Variants in KIAA0232 observed in about 807,000 individuals in gnomAD.
KIAA0232 encodes KIAA0232, also known as uncharacterized protein KIAA0232.
KIAA0232 carries 27 observed loss-of-function variants against 122.0 expected under a neutral mutation model. That is an observed-to-expected ratio of 0.22 (90% CI 0.16 to 0.31). The LOEUF is 0.31. KIAA0232 is among the 10% of genes least tolerant of loss of function. The probability of loss-of-function intolerance (pLI) is 1.00; values close to 1 mark genes in which losing one functional copy is unlikely to be tolerated. For synonymous variants in KIAA0232, 613 were observed against 587.6 expected (o/e 1.04, Z -0.63); for missense variants, 1,551 against 1,634.2 (o/e 0.95, Z 0.88).
intron 1 of KIAA0232, among the ~76,000 whole-genome samples, chr4:6,793,697 C>T (rs1361047762): frequency 1.3e-5 from 2 of 152,158 alleles, no homozygotes; most frequent in Non-Finnish European, 2.9e-5. Context: ...GAAGTAGCTA[C>T]AGAAAATGGA....
At chr4:6,872,800 C>T (rs776771702) in intron 8 of KIAA0232, among the ~76,000 whole-genome samples, 3 of 152,250 alleles carry the variant, frequency 2.0e-5, no homozygotes, top group Non-Finnish European at 2.9e-5. Context: ...ATGCCCTGCA[C>T]ACGCCTGTGT....
At chr4:6,873,241 A>G (rs1448242027) in intron 8 of KIAA0232, among the ~76,000 whole-genome samples, 6 of 152,230 alleles carry the variant, frequency 3.9e-5, no homozygotes, top group Non-Finnish European at 7.3e-5. Context: ...CACACAGTTA[A>G]CTATTAAGCA....
rs921800836 is a variant in KIAA0232, at chr4:6,796,709, C to T, written c.-353-7814C>T. On this transcript the variant is annotated intron_variant, in intron 1 of 9. Transcript: ENST00000307659. ...TATGGCCCTTAAAAGTTTGGTCACACGGTTTTCTTTCAGCTTGTAATCTTC... is the reference window on the plus strand; with the variant it reads ...TATGGCCCTTAAAAGTTTGGTCACATGGTTTTCTTTCAGCTTGTAATCTTC... Among the ~76,000 whole-genome samples the T allele has an allele frequency of 6.6e-5, 10 of 152,324 alleles. No individual in the cohort carries two copies. In the South Asian group the frequency reaches 8.3e-4, roughly 13 times the overall value.
In KIAA0232 at chr4:6,813,584, G is replaced by C. The variant is rs13103065; in HGVS notation, c.-270+8978G>C. On this transcript the variant is annotated intron_variant, in intron 2 of 9. Transcript: ENST00000307659. ...TCACCGTGTTAGCCAGGATGGTCTC[G>C]ATCTCCTGACCTTGTGATCCGCCCG... 1.3e-3 allele frequency among the ~76,000 whole-genome samples: 190 copies of C among 151,628 alleles called. 1 individual carries two copies. Among genetic ancestry groups the C allele is most frequent in the African/African-American group, 3.8e-3 (155 of 41,328 alleles).
intron 9 of KIAA0232, among the ~76,000 whole-genome samples, chr4:6,878,345 A>C (rs1012409550): frequency 6.6e-6 from 1 of 152,138 alleles, no homozygotes; most frequent in Non-Finnish European, 1.5e-5. Context: ...ACTGCACTCC[A>C]GCCTGGGTGA....
At chr4:6,860,037 G>C (rs146254941) in intron 6 of KIAA0232, among the ~76,000 whole-genome samples, 1 of 152,058 alleles carries the variant, frequency 6.6e-6, no homozygotes, top group Non-Finnish European at 1.5e-5. Context: ...CTAAACTTGT[G>C]GAATAAATCT....
Position 6,824,369 on chromosome 4 carries a change from T to A in KIAA0232, c.-85T>A. ...CATGTCAAGCATCTCTACTTTTTACTGGAGTGAAAATCCCCTCCAGATACC... is the reference window on the plus strand; with the variant it reads ...CATGTCAAGCATCTCTACTTTTTACAGGAGTGAAAATCCCCTCCAGATACC... On this transcript the variant is annotated 5_prime_UTR_variant, in exon 3 of 10. Transcript: ENST00000307659. The A allele has an allele frequency of 9.1e-7, 1 of 1,103,264 alleles. No homozygotes were observed. The highest frequency in any genetic ancestry group is 2.4e-5 in the East Asian group (1 of 42,342). 68.3% of individuals were successfully genotyped at this position (1,103,264 alleles called of 1,614,324 possible). A position where few individuals can be genotyped will look rare whatever the true frequency, so the allele number is the denominator to read the frequency against.
At chr4:6,787,177 C>CAAAAAAAAAA (rs34617834) in intron 1 of KIAA0232, among the ~76,000 whole-genome samples, 1 of 81,442 alleles carries the variant, frequency 1.2e-5, no homozygotes, top group African/African-American at 5.0e-5. Flanking sequence ...AAGGCTCTCT[C>CAAAAAAAAAA]AAAAAAAAAA....
At chr4:6,845,940 A>G (rs1353729671) in intron 4 of KIAA0232, among the ~76,000 whole-genome samples, 2 of 152,202 alleles carry the variant, frequency 1.3e-5, no homozygotes, top group African/African-American at 4.8e-5. Context: ...AGGTAGAAAC[A>G]GTGCAAGGGA....
chr4:6,863,316 A>G lies in KIAA0232; in HGVS notation c.2934A>G (p.Pro978=), dbSNP rs747071501. The change falls in exon 7 of 10, where the codon CCA becomes CCG. Residue 978 remains proline, a synonymous_variant. Coordinates refer to ENST00000307659, the MANE Select transcript of KIAA0232 (RefSeq NM_014743.3). ...CTGGTACAGATGTCTTTATGACCCCAGGAAACAGTTTTGCTCCTGGGCACA... is the reference window on the plus strand; with the variant it reads ...CTGGTACAGATGTCTTTATGACCCCGGGAAACAGTTTTGCTCCTGGGCACA... ...TIAGTDVFMT[P]GNSFAPGHRQ... 9.3e-6 allele frequency: 15 copies of G among 1,614,048 alleles called. No homozygotes were observed. Among genetic ancestry groups the G allele is most frequent in the African/African-American group, 2.7e-5 (2 of 74,922 alleles).
rs1012935525 is a variant in KIAA0232, at chr4:6,862,974, T to C, written c.2592T>C (p.Ala864=). Residue 864 remains alanine (A), a synonymous_variant, in exon 7 of 10, where the codon GCT becomes GCC. Transcript: ENST00000307659. ...DVNNYCCCLD[A]EAELETLQEP... ...ATAACTACTGCTGCTGTCTAGATGC[T>C]GAAGCTGAACTGGAGACCCTTCAGG... 2.5e-6 allele frequency: 4 copies of C among 1,614,096 alleles called. No homozygotes were observed. The African/African-American group carries it at 5.3e-5, about 22-fold the overall frequency.
intron 2 of KIAA0232, among the ~76,000 whole-genome samples, chr4:6,815,361 A>G (rs1360895698): frequency 6.6e-6 from 1 of 152,218 alleles, no homozygotes; most frequent in East Asian, 1.9e-4. Flanking sequence ...CAACATACCT[A>G]GGAGTCTCCT....
At chr4:6,850,385 G>T (rs549413608) in intron 4 of KIAA0232, among the ~76,000 whole-genome samples, 9 of 152,024 alleles carry the variant, frequency 5.9e-5, no homozygotes, top group Admixed American at 2.0e-4. Context: ...GCTTATTTTC[G>T]TATGTTTACT....
At chr4:6,802,676 TC>T (rs1301183234) in intron 1 of KIAA0232, among the ~76,000 whole-genome samples, 2 of 151,954 alleles carry the variant, frequency 1.3e-5, no homozygotes, top group African/African-American at 4.8e-5. Context: ...CTTCACGTCT[TC>T]CCCAAGGACA....
At chr4:6,851,994 T>C (rs1343010028) in intron 4 of KIAA0232, among the ~76,000 whole-genome samples, 1 of 152,186 alleles carries the variant, frequency 6.6e-6, no homozygotes, top group East Asian at 1.9e-4. Context: ...ATTATTTAAT[T>C]ATTATAACAG....
At chr4:6,783,584 T>TGGGGCCCCGGGAAGGG (rs922342038) in intron 1 of KIAA0232, among the ~76,000 whole-genome samples, 1 of 151,274 alleles carries the variant, frequency 6.6e-6, no homozygotes, top group African/African-American at 2.4e-5. Flanking sequence ...ATTGTCCTTT[T>TGGGGCCCCGGGAAGGG]GGGGCCCCGG....
In KIAA0232 at chr4:6,876,659, G is replaced by A; in HGVS notation, c.3911-1G>A. The A allele has an allele frequency of 6.3e-7, 1 of 1,595,568 alleles. No individual in the cohort carries two copies. The highest frequency in any genetic ancestry group is 8.6e-7 in the Non-Finnish European group (1 of 1,163,262). ...TCCCTTCTCCATTCCAAATGATTAA[G>A]AATGTTACACAAATGCCAAGGGAGA... On this transcript the variant is annotated splice_acceptor_variant, in intron 8 of 9. Coordinates refer to ENST00000307659, the MANE Select transcript of KIAA0232 (RefSeq NM_014743.3). LOFTEE classifies it high-confidence loss of function.
At chr4:6,837,798 C>T (rs1719404244) in intron 3 of KIAA0232, among the ~76,000 whole-genome samples, 1 of 152,134 alleles carries the variant, frequency 6.6e-6, no homozygotes, top group African/African-American at 2.4e-5. Flanking sequence ...CCAGCAATCC[C>T]AGGCACCGGG....
chr4:6,818,729 C>A (rs1463498156), intron 2 of KIAA0232, among the ~76,000 whole-genome samples: 1 of 150,354 alleles, frequency 6.7e-6, no homozygotes, highest in African/African-American at 2.4e-5. Flanking sequence ...AAAACTATTA[C>A]AAAATTCGTG....
Sources: allele counts gnomAD v4.1 joint callset (sites outside exome capture counted in the v4.1 genomes callset), GRCh38; gene constraint gnomAD v4.1.1; transcripts MANE v1.5; gene names NCBI Gene and HGNC (gene_info 2026-07-23, HGNC 2026-07-21).